Variants in XPR1 observed in about 807,000 individuals in gnomAD.
The protein encoded by XPR1 is solute carrier family 53 member 1.
XPR1 carries 28 observed loss-of-function variants against 87.5 expected under a neutral mutation model. That is an observed-to-expected ratio of 0.32 (90% confidence interval 0.24 to 0.44). The LOEUF (loss-of-function observed/expected upper bound fraction) is 0.44, where lower values mean the gene tolerates loss of function less well. Among genes scored for constraint, XPR1 ranks in the 20% least tolerant of loss-of-function variants. The pLI is 1.00. For synonymous variants in XPR1, 300 were observed against 306.1 expected (o/e 0.98, Z 0.21); for missense variants, 559 against 862.3 (o/e 0.65, Z 4.41).
intron 2 of XPR1, among the ~76,000 whole-genome samples, chr1:180,721,972 T>C (rs1304434371): frequency 3.3e-5 from 5 of 152,072 alleles, no homozygotes; most frequent in Admixed American, 6.5e-5. Flanking sequence ...AGTCAAAAGA[T>C]GTACGTAAGG....
At chr1:180,688,276 G>A (rs935359599) in intron 2 of XPR1, among the ~76,000 whole-genome samples, 1 of 150,304 alleles carries the variant, frequency 6.7e-6, no homozygotes, top group African/African-American at 2.4e-5. Context: ...TGGCCAACAT[G>A]GCCAGTTTTG....
intron 7 of XPR1, among the ~76,000 whole-genome samples, chr1:180,814,949 A>G (rs562959108): frequency 6.6e-6 from 1 of 152,178 alleles, no homozygotes; most frequent in East Asian, 1.9e-4. Context: ...GAAGTGATAA[A>G]TTGGCCAAAG....
At chr1:180,709,206 G>T (rs531085855) in intron 2 of XPR1, among the ~76,000 whole-genome samples, 1 of 152,260 alleles carries the variant, frequency 6.6e-6, no homozygotes, top group South Asian at 2.1e-4. Context: ...ATGAGCCGCC[G>T]TGCCCGGCCA....
chr1:180,743,154 C>T (rs1434098295), intron 2 of XPR1, among the ~76,000 whole-genome samples: 1 of 149,940 alleles, frequency 6.7e-6, no homozygotes, highest in Non-Finnish European at 1.5e-5. Flanking sequence ...GGATTTAGAT[C>T]TACCATTTTG....
intron 2 of XPR1, among the ~76,000 whole-genome samples, chr1:180,781,571 G>T (rs1041580164): frequency 6.6e-6 from 1 of 150,920 alleles, no homozygotes; most frequent in Admixed American, 6.6e-5. Flanking sequence ...TATGCAATAG[G>T]AGTATTTTAC....
At chr1:180,680,356 C>CTTTTT (rs1557953500) in intron 1 of XPR1, among the ~76,000 whole-genome samples, 49 of 119,706 alleles carry the variant, frequency 4.1e-4, no homozygotes, top group African/African-American at 1.5e-3. Flanking sequence ...ACAAATAGAA[C>CTTTTT]CTTTTTTTTT....
chr1:180,768,321 T>G (rs1288343421), intron 2 of XPR1, among the ~76,000 whole-genome samples: 4 of 152,198 alleles, frequency 2.6e-5, no homozygotes, highest in Non-Finnish European at 5.9e-5. Context: ...CATAGACGAT[T>G]TATAGGTTTC....
rs1054846638 is a variant in XPR1 at position 180,889,514 on chromosome 1, C to T, written c.*5448C>T. ...CTCTGAAGTCCCTACCTGCACTTCC[C>T]TGATTGCCCTGTAGCAACACCAGCA... On this transcript the variant is annotated 3_prime_UTR_variant, in exon 15 of 15. Transcript: ENST00000367590. The T allele has an allele frequency of 6.6e-6, 1 of 152,224 alleles. No individual in the cohort carries two copies. The highest frequency in any genetic ancestry group is 1.5e-5 in the Non-Finnish European group (1 of 68,044). 9.4% of individuals were successfully genotyped at this position (152,224 alleles called of 1,614,324 possible). A position where few individuals can be genotyped will look rare whatever the true frequency, so the allele number is the denominator to read the frequency against.
intron 11 of XPR1, 71 bp from the exon 12 acceptor site, chr1:180,863,637 A>G: frequency 7.4e-7 from 1 of 1,350,084 alleles, no homozygotes; most frequent in Non-Finnish European, 1.0e-6. Flanking sequence ...TGTTTTAATT[A>G]GTGTTATTAA....
At chr1:180,864,538 G>A (rs972958993) in intron 12 of XPR1, among the ~76,000 whole-genome samples, 5 of 152,052 alleles carry the variant, frequency 3.3e-5, no homozygotes, top group Non-Finnish European at 2.9e-5. Flanking sequence ...AGGAGTGGCT[G>A]ACTCTGCTTG....
intron 11 of XPR1, among the ~76,000 whole-genome samples, chr1:180,845,264 G>A (rs1056619532): frequency 1.3e-5 from 2 of 152,168 alleles, no homozygotes; most frequent in Non-Finnish European, 2.9e-5. Context: ...GAATTCTCTC[G>A]AATCTTAAAA....
intron 2 of XPR1, among the ~76,000 whole-genome samples, chr1:180,768,730 G>A (rs1340602994): frequency 1.3e-5 from 2 of 152,140 alleles, no homozygotes; most frequent in Non-Finnish European, 2.9e-5. Context: ...GCCTAACTAA[G>A]GTTTTACTAT....
At chr1:180,692,572 A>G (rs1352499754) in intron 2 of XPR1, among the ~76,000 whole-genome samples, 2 of 152,184 alleles carry the variant, frequency 1.3e-5, no homozygotes, top group Non-Finnish European at 2.9e-5. Context: ...CATTTGTATT[A>G]TGAAAATGAC....
rs572303251 is a variant in XPR1 at position 180,841,971 on chromosome 1, A to G, written c.1501+5255A>G. ...TTTGTTAAAGAACATGGGAAATGGG[A>G]AAAATAAAAACATCAAATAAGTGGA... On this transcript the variant is annotated intron_variant, in intron 11 of 14. Transcript: ENST00000367590. Among the ~76,000 whole-genome samples, 37 of 152,308 alleles carry G rather than the reference A, an allele frequency of 2.4e-4. No homozygotes were observed. The South Asian group carries it at 2.5e-3, about 10-fold the overall frequency.
intron 2 of XPR1, among the ~76,000 whole-genome samples, chr1:180,779,418 A>G (rs1044460318): frequency 6.6e-6 from 1 of 152,236 alleles, no homozygotes; most frequent in African/African-American, 2.4e-5. Flanking sequence ...GAATAAATAC[A>G]TATTATTAAT....
intron 2 of XPR1, among the ~76,000 whole-genome samples, chr1:180,724,247 C>A (rs1658264822): frequency 6.6e-6 from 1 of 152,026 alleles, no homozygotes; most frequent in Non-Finnish European, 1.5e-5. Context: ...AGGAGGTGAC[C>A]TTTGAGCAGG....
At chr1:180,766,225 A>G (rs1358885339) in intron 2 of XPR1, among the ~76,000 whole-genome samples, 2 of 152,198 alleles carry the variant, frequency 1.3e-5, no homozygotes, top group Non-Finnish European at 2.9e-5. Context: ...TAATGTGCAC[A>G]TTTCCAAAAA....
intron 2 of XPR1, among the ~76,000 whole-genome samples, chr1:180,688,597 C>T (rs113295178): frequency 2.6e-5 from 4 of 151,980 alleles, no homozygotes; most frequent in African/African-American, 7.2e-5. Flanking sequence ...GGAGGTTTCC[C>T]ATCAGTGCAT....
chr1:180,829,322 T>G (rs1650973791), intron 9 of XPR1, among the ~76,000 whole-genome samples: 2 of 152,196 alleles, frequency 1.3e-5, no homozygotes, highest in Admixed American at 1.3e-4. Flanking sequence ...CATAATACTG[T>G]TACTCTAGGA....
Sources: allele counts gnomAD v4.1 joint callset (sites outside exome capture counted in the v4.1 genomes callset), GRCh38; gene constraint gnomAD v4.1.1; transcripts MANE v1.5; gene names NCBI Gene and HGNC (gene_info 2026-07-23, HGNC 2026-07-21).